The following CCDC171 variants were observed in gnomAD, a reference collection of about 807,000 sequenced individuals.
CCDC171 encodes the protein coiled-coil domain-containing protein 171.
CCDC171 carries 177 observed loss-of-function variants against 168.2 expected under a neutral mutation model. The ratio of observed to expected loss-of-function variants is 1.05; its 90% CI spans 0.93 to 1.19. The LOEUF is 1.19. Ranked by LOEUF, CCDC171 falls within the 50% of genes most tolerant of loss-of-function variation. The pLI, the probability that CCDC171 is intolerant of heterozygous loss-of-function variation, is 0.00. For synonymous variants in CCDC171, 687 were observed against 540.8 expected, an observed-to-expected ratio of 1.27 and a Z score of -3.75; for missense variants, 1,991 against 1,539.0, an observed-to-expected ratio of 1.29 and a Z score of -4.91.
chr9:15,985,628 A>G (rs1831961467), intron 3 of CCDC171, among the ~76,000 whole-genome samples: 2 of 152,186 alleles, frequency 1.3e-5, no homozygotes, highest in Admixed American at 6.5e-5. Flanking sequence ...TCAACTTTCC[A>G]ACTTTTGGTA....
chr9:15,595,597 C>T (rs535113715), intron 6 of CCDC171, among the ~76,000 whole-genome samples: 1 of 152,198 alleles, frequency 6.6e-6, no homozygotes, highest in East Asian at 1.9e-4. Flanking sequence ...TGAATAGTGC[C>T]TCAAGAAACA....
Position 15,810,830 on chromosome 9 carries a change from C to T in CCDC171, c.3267+26136C>T, listed in dbSNP as rs948838263. Among the ~76,000 whole-genome samples the T allele has an allele frequency of 8.7e-4, 133 of 152,336 alleles. 1 individual carries two copies. The highest frequency in any genetic ancestry group is 2.6e-3 in the African/African-American group (107 of 41,582). On this transcript the variant is annotated intron_variant, in intron 21 of 25. Transcript: ENST00000380701. ...AGAGGGAGCTGGCTTCAGCATGGGC[C>T]GGCCCAGAGAGGGGCTCCCACAGTG... is the stretch of plus-strand genomic sequence containing the variant.
chr9:15,929,845 T>A (rs1231553014), intron 25 of CCDC171, among the ~76,000 whole-genome samples: 1 of 151,798 alleles, frequency 6.6e-6, no homozygotes, highest in Non-Finnish European at 1.5e-5. Flanking sequence ...AGAGTTGTTT[T>A]TTCTCTACAG....
chr9:15,697,035 C>G (rs1032615099), intron 11 of CCDC171, among the ~76,000 whole-genome samples: 2 of 152,180 alleles, frequency 1.3e-5, no homozygotes, highest in Admixed American at 6.6e-5. Context: ...TTCTGTTTTG[C>G]TGTGTGCCTT....
intron 6 of CCDC171, among the ~76,000 whole-genome samples, chr9:16,033,611 A>G (rs1255605511): frequency 6.6e-6 from 1 of 152,202 alleles, no homozygotes; most frequent in Non-Finnish European, 1.5e-5. Context: ...TTCATTATAT[A>G]TTACAATGTA....
intron 11 of CCDC171, among the ~76,000 whole-genome samples, chr9:15,705,120 A>ACACACT (rs1462439068): frequency 1.2e-4 from 18 of 149,790 alleles, no homozygotes; most frequent in African/African-American, 4.4e-4. Context: ...ACACACACAC[A>ACACACT]CTCTCACTCA....
intron 7 of CCDC171, among the ~76,000 whole-genome samples, chr9:15,634,598 A>G (rs2063558982): frequency 1.3e-5 from 2 of 152,172 alleles, no homozygotes; most frequent in African/African-American, 2.4e-5. Context: ...GTAAGGGTGG[A>G]TGCCTTGAAG....
intron 1 of CCDC171, among the ~76,000 whole-genome samples, chr9:15,559,182 T>C (rs980178793): frequency 3.9e-5 from 6 of 152,282 alleles, no homozygotes; most frequent in Admixed American, 2.0e-4. Context: ...ATAAGTGTGA[T>C]GTGGTGCCGA....
intron 6 of CCDC171, among the ~76,000 whole-genome samples, chr9:15,610,952 C>T (rs951785775): frequency 6.6e-6 from 1 of 152,060 alleles, no homozygotes; most frequent in East Asian, 1.9e-4. Context: ...TGTCTCTGCC[C>T]AAATCTCATA....
At chr9:15,826,640 A>G (rs539096602) in intron 21 of CCDC171, among the ~76,000 whole-genome samples, 1 of 152,330 alleles carries the variant, frequency 6.6e-6, no homozygotes, top group East Asian at 1.9e-4. Context: ...CTAACAGCTC[A>G]GCTAGGGTCT....
intron 7 of CCDC171, among the ~76,000 whole-genome samples, chr9:15,644,368 C>G (rs1419866594): frequency 6.6e-6 from 1 of 152,160 alleles, no homozygotes; most frequent in Admixed American, 6.5e-5. Flanking sequence ...CTGGGTTCAT[C>G]TCACTGGGGC....
intron 9 of CCDC171, among the ~76,000 whole-genome samples, chr9:15,677,708 C>G (rs1334865262): frequency 1.3e-5 from 2 of 149,230 alleles, no homozygotes; most frequent in Non-Finnish European, 1.5e-5. Context: ...CTAACCTGAA[C>G]AATATACATA....
rs140368217 is a variant in CCDC171 at position 15,756,409 on chromosome 9, G to A, written c.2671+10778G>A. ...AATTTCAACTTTTATTTTAGATCAG[G>A]GAATACATGTGCAAATTTGTTATGT... is the stretch of plus-strand genomic sequence containing the variant. On this transcript the variant is annotated intron_variant, in intron 18 of 25. Coordinates refer to ENST00000380701, the MANE Select transcript of CCDC171 (RefSeq NM_173550.4). 5.2e-3 allele frequency among the ~76,000 whole-genome samples: 791 copies of A among 152,002 alleles called. 4 individuals are homozygous for A. Among genetic ancestry groups the A allele is most frequent in the South Asian group, 8.5e-3 (41 of 4,802 alleles).
At chr9:15,677,503 T>G (rs1221930654) in intron 9 of CCDC171, among the ~76,000 whole-genome samples, 1 of 152,062 alleles carries the variant, frequency 6.6e-6, no homozygotes, top group African/African-American at 2.4e-5. Context: ...CCACCCTGTC[T>G]CCTGCAATAT....
At chr9:15,562,627 C>A (rs924960877) in intron 1 of CCDC171, among the ~76,000 whole-genome samples, 1 of 152,120 alleles carries the variant, frequency 6.6e-6, no homozygotes, top group Non-Finnish European at 1.5e-5. Flanking sequence ...ATGATTAAGG[C>A]CCTAACTATC....
intron 4 of CCDC171, among the ~76,000 whole-genome samples, chr9:15,587,091 G>A (rs1182285555): frequency 6.6e-6 from 1 of 152,132 alleles, no homozygotes; most frequent in South Asian, 2.1e-4. Context: ...GGGATTACAC[G>A]TGTGAGCCAC....
intron 24 of CCDC171, among the ~76,000 whole-genome samples, chr9:15,903,241 G>C (rs907481563): frequency 9.2e-5 from 14 of 152,156 alleles, no homozygotes; most frequent in African/African-American, 3.4e-4. Context: ...TCCTCAAGTG[G>C]GTCCCTGACC....
chr9:15,628,480 GC>G (rs1220953693), intron 7 of CCDC171, among the ~76,000 whole-genome samples: 7 of 152,328 alleles, frequency 4.6e-5, no homozygotes, highest in African/African-American at 1.4e-4. Context: ...TAGGGGAGGG[GC>G]GGCTGCCATT....
chr9:15,895,138 C>A (rs1330148440), intron 24 of CCDC171, among the ~76,000 whole-genome samples: 1 of 152,062 alleles, frequency 6.6e-6, no homozygotes, highest in South Asian at 2.1e-4. Flanking sequence ...GAACTCTGAG[C>A]CTTGGGACCT....
Sources: allele counts gnomAD v4.1 joint callset (sites outside exome capture counted in the v4.1 genomes callset), GRCh38; gene constraint gnomAD v4.1.1; transcripts MANE v1.5; gene names NCBI Gene and HGNC (gene_info 2026-07-23, HGNC 2026-07-21).